Variants in TM9SF3 observed in about 807,000 individuals in gnomAD.
The protein encoded by TM9SF3 is transmembrane 9 superfamily member 3, also known as SM-11044-binding protein.
Under a neutral mutation model 78.6 loss-of-function variants are expected in TM9SF3, and 14 were observed. The ratio of observed to expected loss-of-function variants is 0.18; its 90% confidence interval spans 0.12 to 0.28. The LOEUF is 0.28. Ranked by LOEUF, TM9SF3 falls within the 10% of genes least tolerant of loss-of-function variation. TM9SF3 has a pLI of 1.00. For synonymous variants in TM9SF3, 231 were observed against 241.7 expected (o/e 0.96, Z 0.41); for missense variants, 496 against 721.9 (o/e 0.69, Z 3.59).
chr10:96,555,057 C>T (rs1285816627), intron 5 of TM9SF3, among the ~76,000 whole-genome samples: 1 of 151,172 alleles, frequency 6.6e-6, no homozygotes. Context: ...CCCTTCCTTT[C>T]AATTTATCCT....
chr10:96,578,370 A>G (rs935857674), intron 1 of TM9SF3, among the ~76,000 whole-genome samples: 1 of 152,228 alleles, frequency 6.6e-6, no homozygotes, highest in African/African-American at 2.4e-5. Flanking sequence ...AATGATTAAC[A>G]AAGAAAAAAT....
At chr10:96,555,255 T>C (rs1245511849) in intron 5 of TM9SF3, among the ~76,000 whole-genome samples, 1 of 152,138 alleles carries the variant, frequency 6.6e-6, no homozygotes, top group Non-Finnish European at 1.5e-5. Flanking sequence ...TATTCTATAT[T>C]CCAATAAGCC....
rs749920670 is a variant in TM9SF3 at position 96,576,857 on chromosome 10, A to G, written c.103-28T>C. On this transcript the variant is annotated intron_variant, in intron 1 of 14. Coordinates refer to ENST00000371142, the MANE Select transcript of TM9SF3 (RefSeq NM_020123.4). ...GAAACAAGAAAAGCAAACAAGAATT[A>G]AAAAAAAAAAACACACTAATTCAAA... 6.8e-6 allele frequency: 6 copies of G among 882,130 alleles called. No homozygotes were observed. The Admixed American group carries it at 1.9e-4, about 28-fold the overall frequency. 54.6% of individuals were successfully genotyped at this position (882,130 alleles called of 1,614,324 possible). A position where few individuals can be genotyped will look rare whatever the true frequency, so the allele number is the denominator to read the frequency against.
Position 96,551,389 on chromosome 10 carries a change from T to C in TM9SF3, c.815A>G (p.Tyr272Cys). 1 of 1,610,348 alleles carries C rather than the reference T, an allele frequency of 6.2e-7. No individual in the cohort carries two copies. The highest frequency in any genetic ancestry group is 8.5e-7 in the Non-Finnish European group (1 of 1,178,454). ...ATCTCCATGCACCTGTTTCCATCCATATTCATCTCCTAGGTCTCTATCCTA... is the reference window on the plus strand; with the variant it reads ...ATCTCCATGCACCTGTTTCCATCCACATTCATCTCCTAGGTCTCTATCCTA... Reference protein sequence around the residue: ...DDMDRDLGDEYGWKQVHGDVF... With the variant: ...DDMDRDLGDECGWKQVHGDVF... Residue 272 changes from tyrosine (Y) to cysteine (C), a missense_variant, in exon 7 of 15, where the codon TAT (tyrosine) becomes TGT (cysteine). Physicochemically the swap from Tyr to Cys is radical, Grantham distance 194. Transcript: ENST00000371142.
chr10:96,560,414 A>G, intron 4 of TM9SF3: 1 of 738,906 alleles, frequency 1.4e-6, no homozygotes, highest in Non-Finnish European at 2.5e-6. Context: ...TAACACTGGC[A>G]CCTTTGAAAA....
chr10:96,580,198 C>T (rs1848546589), intron 1 of TM9SF3, among the ~76,000 whole-genome samples: 1 of 152,238 alleles, frequency 6.6e-6, no homozygotes, highest in Non-Finnish European at 1.5e-5. Context: ...CACTGCTACA[C>T]TTACGTCATC....
At position 96,521,240 on chromosome 10, in the gene TM9SF3, C is replaced by A; in HGVS notation, c.*1023G>T. The A allele has an allele frequency of 4.3e-6, 1 of 233,316 alleles. No individual in the cohort carries two copies. 14.5% of individuals were successfully genotyped at this position (233,316 alleles called of 1,614,324 possible). On this transcript the variant is annotated 3_prime_UTR_variant, in exon 15 of 15. Transcript: ENST00000371142. Reference sequence around the variant, plus strand: ...CCACCCAAATCACACATTTCTACACCAATCATCATAAGAAAAAAGTACTCT... The same window carrying A: ...CCACCCAAATCACACATTTCTACACAAATCATCATAAGAAAAAAGTACTCT...
chr10:96,578,315 C>T (rs902629407), intron 1 of TM9SF3, among the ~76,000 whole-genome samples: 1 of 152,044 alleles, frequency 6.6e-6, no homozygotes, highest in Non-Finnish European at 1.5e-5. Flanking sequence ...AAAATACTGT[C>T]GTTTCCTTAA....
In TM9SF3 at chr10:96,547,450, C is replaced by T. The variant is rs191463429; in HGVS notation, c.1054+445G>A. The stretch of plus-strand genomic sequence containing the variant: ...TTATTCATAATTTTAGGAAATAAAA[C>T]GCGAGAATTCCACAAAAGCAAGACA... On this transcript the variant is annotated intron_variant, in intron 8 of 14. Transcript: ENST00000371142. 1.4e-4 allele frequency among the ~76,000 whole-genome samples: 22 copies of T among 152,230 alleles called. No individual in the cohort carries two copies. In the East Asian group the frequency reaches 3.9e-3, roughly 27 times the overall value.
intron 2 of TM9SF3, among the ~76,000 whole-genome samples, chr10:96,572,525 C>CTTTT (rs35050136): frequency 1.5e-5 from 2 of 131,526 alleles, no homozygotes; most frequent in African/African-American, 2.8e-5. Flanking sequence ...AACGCATTTT[C>CTTTT]TTTTTTTTTT....
intron 2 of TM9SF3, among the ~76,000 whole-genome samples, chr10:96,569,586 T>C (rs1021538654): frequency 5.3e-5 from 8 of 152,234 alleles, no homozygotes; most frequent in Non-Finnish European, 1.2e-4. Flanking sequence ...AACAACTGCC[T>C]TAAATATGTT....
chr10:96,570,647 A>G (rs1848428189), intron 2 of TM9SF3, among the ~76,000 whole-genome samples: 1 of 152,226 alleles, frequency 6.6e-6, no homozygotes. Context: ...TTTAACCACA[A>G]GTATATTTCT....
Position 96,586,951 on chromosome 10 carries a change from C to A in TM9SF3, c.-116G>T. The A allele has an allele frequency of 1.2e-6, 1 of 842,392 alleles. No homozygotes were observed. The highest frequency in any genetic ancestry group is 1.5e-6 in the Non-Finnish European group (1 of 662,986). 52.2% of individuals were successfully genotyped at this position (842,392 alleles called of 1,614,324 possible). On this transcript the variant is annotated 5_prime_UTR_variant, in exon 1 of 15. Coordinates refer to ENST00000371142, the MANE Select transcript of TM9SF3 (RefSeq NM_020123.4). The stretch of plus-strand genomic sequence containing the variant: ...CGCATCCACGGGGCGCGGACAGACG[C>A]ACGGGGCCCGGCCCAGCCGCTGCCT...
intron 2 of TM9SF3, among the ~76,000 whole-genome samples, chr10:96,575,804 A>C (rs1033389991): frequency 4.6e-5 from 7 of 151,992 alleles, no homozygotes; most frequent in Non-Finnish European, 1.0e-4. Context: ...AAACCAAGAC[A>C]CCTAATCAAA....
intron 1 of TM9SF3, among the ~76,000 whole-genome samples, chr10:96,586,148 C>CTTACA (rs914513822): frequency 4.6e-5 from 7 of 152,200 alleles, no homozygotes; most frequent in African/African-American, 1.7e-4. Flanking sequence ...AGGTTGGGTG[C>CTTACA]ACTTACAAGT....
intron 14 of TM9SF3, among the ~76,000 whole-genome samples, chr10:96,526,188 A>G (rs1847836396): frequency 6.6e-6 from 1 of 152,124 alleles, no homozygotes. Flanking sequence ...ATGGCTATTA[A>G]GTGGGGAGTT....
intron 14 of TM9SF3, among the ~76,000 whole-genome samples, chr10:96,523,010 A>C (rs888929717): frequency 1.3e-5 from 2 of 151,872 alleles, no homozygotes. Flanking sequence ...TTGTTAAGTA[A>C]AATATTTATC....
rs1847761714 is a variant in TM9SF3, at chr10:96,521,057, G to A, written c.*1206C>T. The A allele has an allele frequency of 2.6e-6, 1 of 390,290 alleles. No individual in the cohort carries two copies. The allele number at this position is 390,290 out of a possible 1,614,324, so 24.2% of individuals were successfully genotyped here. On this transcript the variant is annotated 3_prime_UTR_variant, in exon 15 of 15. Transcript: ENST00000371142. Reference sequence around the variant, plus strand: ...GATGTTACTTAAGTGTCCCAGACAGGATTAACAAAATTAAGTGTCTCTAAA... The same window carrying A: ...GATGTTACTTAAGTGTCCCAGACAGAATTAACAAAATTAAGTGTCTCTAAA...
Position 96,544,226 on chromosome 10 carries a change from T to G in TM9SF3, c.1055-20A>C. 2 of 1,551,458 alleles carry G rather than the reference T, an allele frequency of 1.3e-6. No homozygotes were observed. The highest frequency in any genetic ancestry group is 2.5e-5 in the South Asian group (2 of 79,318). On this transcript the variant is annotated intron_variant, in intron 8 of 14. Transcript: ENST00000371142. ...TCCTTCCTGAAAAGAAAGGAAACTA[T>G]GAAAGTTTAATATAATTATTTAGTA... is the stretch of plus-strand genomic sequence containing the variant.
Sources: allele counts gnomAD v4.1 joint callset (sites outside exome capture counted in the v4.1 genomes callset), GRCh38; gene constraint gnomAD v4.1.1; transcripts MANE v1.5; gene names NCBI Gene and HGNC (gene_info 2026-07-23, HGNC 2026-07-21).